FUT8: variants seen among roughly 807,000 people sequenced by gnomAD.
The protein encoded by FUT8 is fucosyltransferase 8.
A neutral mutation model predicts 71.3 loss-of-function variants in FUT8; 29 were observed. That is an observed-to-expected ratio of 0.41 (90% CI 0.30 to 0.55). The LOEUF (loss-of-function observed/expected upper bound fraction) is 0.55, where lower values mean the gene tolerates loss of function less well. Ranked by LOEUF, FUT8 falls within the 20% of genes least tolerant of loss-of-function variation. The pLI, the probability that FUT8 is intolerant of heterozygous loss-of-function variation, is 0.34. For synonymous variants in FUT8, 254 were observed against 239.3 expected (o/e 1.06, Z -0.57); for missense variants, 544 against 702.1 (o/e 0.77, Z 2.55).
chr14:65,505,703 CT>C (rs1417429636), intron 2 of FUT8, among the ~76,000 whole-genome samples: 1 of 151,976 alleles, frequency 6.6e-6, no homozygotes. Flanking sequence ...AAGAGTGGAA[CT>C]TTTATAGTAT....
At chr14:65,415,362 G>A (rs2065203515) in intron 1 of FUT8, among the ~76,000 whole-genome samples, 2 of 152,256 alleles carry the variant, frequency 1.3e-5, no homozygotes, top group South Asian at 4.1e-4. Context: ...TTACAAATTA[G>A]TTTAAAAAAG....
chr14:65,423,768 G>T (rs1442139515), intron 1 of FUT8, among the ~76,000 whole-genome samples: 1 of 152,048 alleles, frequency 6.6e-6, no homozygotes, highest in Non-Finnish European at 1.5e-5. Flanking sequence ...GCTTTTTCTT[G>T]AAACTTATTA....
intron 6 of FUT8, among the ~76,000 whole-genome samples, chr14:65,637,464 A>G (rs1298019430): frequency 2.0e-5 from 3 of 152,186 alleles, no homozygotes; most frequent in African/African-American, 7.2e-5. Flanking sequence ...TTTAACTTGA[A>G]ATTATCTGTC....
intron 7 of FUT8, among the ~76,000 whole-genome samples, chr14:65,695,451 T>C (rs774476829): frequency 4.6e-5 from 7 of 152,198 alleles, no homozygotes; most frequent in Admixed American, 6.5e-5. Context: ...TTGTTCATTT[T>C]TTTAAAAACT....
chr14:65,685,409 A>T (rs931253246), intron 7 of FUT8, among the ~76,000 whole-genome samples: 4 of 152,150 alleles, frequency 2.6e-5, no homozygotes, highest in African/African-American at 9.7e-5. Context: ...CAAAAAATTA[A>T]TTTTCCTTCA....
chr14:65,425,714 A>T (rs1453760977), intron 1 of FUT8, among the ~76,000 whole-genome samples: 1 of 152,044 alleles, frequency 6.6e-6, no homozygotes, highest in Non-Finnish European at 1.5e-5. Context: ...GCAGTGGCTC[A>T]TGCCTGTAAT....
intron 2 of FUT8, among the ~76,000 whole-genome samples, chr14:65,560,566 A>C (rs1418792528): frequency 6.6e-6 from 1 of 152,192 alleles, no homozygotes; most frequent in Admixed American, 6.6e-5. Flanking sequence ...TTCTAAGCCT[A>C]ATGATGGAGA....
At chr14:65,560,357 T>A (rs569278602) in intron 2 of FUT8, among the ~76,000 whole-genome samples, 5 of 152,090 alleles carry the variant, frequency 3.3e-5, no homozygotes, top group Admixed American at 6.5e-5. Context: ...GAAAAAAAAA[T>A]TTTTATAGAG....
chr14:65,526,317 T>G (rs1883466063), intron 2 of FUT8, among the ~76,000 whole-genome samples: 2 of 152,236 alleles, frequency 1.3e-5, no homozygotes, highest in African/African-American at 4.8e-5. Context: ...CATTATGTAA[T>G]GGCCGTCTTT....
rs1324272027 is a variant in FUT8, at chr14:65,742,516, G to GT, written c.*108dup. ...GAGGGCTCTGATCTAACAAAATAAG[G>GT]TTATATGAGTAGATACTCTCAGCAC... On this transcript the variant is annotated 3_prime_UTR_variant, in exon 11 of 11. Transcript: ENST00000673929. The GT allele has an allele frequency of 1.1e-6, 1 of 900,050 alleles. No homozygotes were observed. The highest frequency in any genetic ancestry group is 1.7e-6 in the Non-Finnish European group (1 of 599,658). 55.8% of individuals were successfully genotyped at this position (900,050 alleles called of 1,614,324 possible). A position where few individuals can be genotyped will look rare whatever the true frequency, so the allele number is the denominator to read the frequency against.
intron 2 of FUT8, among the ~76,000 whole-genome samples, chr14:65,458,588 T>C (rs934579703): frequency 1.3e-5 from 2 of 152,204 alleles, no homozygotes; most frequent in East Asian, 1.9e-4. Context: ...ACTCAGAAAA[T>C]GTAGGATGGT....
the FUT8 span, among the ~76,000 whole-genome samples, chr14:65,364,480 G>A: frequency 2.0e-5 from 3 of 152,214 alleles, no homozygotes; most frequent in African/African-American, 7.2e-5. Context: ...TGGAATTACA[G>A]GTGTGAGCCA....
intron 6 of FUT8, among the ~76,000 whole-genome samples, chr14:65,649,955 G>C (rs1379447293): frequency 6.6e-6 from 1 of 152,118 alleles, no homozygotes; most frequent in Admixed American, 6.5e-5. Flanking sequence ...ATAAGATATA[G>C]TAAACACATC....
At chr14:65,703,188 T>A (rs1271340765) in intron 7 of FUT8, among the ~76,000 whole-genome samples, 1 of 152,240 alleles carries the variant, frequency 6.6e-6, no homozygotes, top group Non-Finnish European at 1.5e-5. Context: ...AGAAACATAA[T>A]GTCAAGTATC....
At chr14:65,443,380 A>G (rs1484822966) in intron 1 of FUT8, among the ~76,000 whole-genome samples, 1 of 150,040 alleles carries the variant, frequency 6.7e-6, no homozygotes, top group African/African-American at 2.5e-5. Flanking sequence ...ACTGCACTCC[A>G]GCCTGGGCAA....
At chr14:65,497,127 A>G (rs557111905) in intron 2 of FUT8, among the ~76,000 whole-genome samples, 7 of 152,302 alleles carry the variant, frequency 4.6e-5, no homozygotes, top group African/African-American at 1.4e-4. Flanking sequence ...TGTGTATATT[A>G]GAGTATGTAA....
chr14:65,427,783 AG>A (rs1274160600), intron 1 of FUT8, among the ~76,000 whole-genome samples: 4 of 152,344 alleles, frequency 2.6e-5, no homozygotes, highest in African/African-American at 7.2e-5. Flanking sequence ...ATCCAGTTTT[AG>A]AAAACTTTCA....
chr14:65,677,622 T>C (rs1007233566), intron 7 of FUT8, among the ~76,000 whole-genome samples: 9 of 152,146 alleles, frequency 5.9e-5, no homozygotes, highest in Non-Finnish European at 1.0e-4. Flanking sequence ...AAATACTGTA[T>C]TAGGTATAAA....
chr14:65,694,881 T>C (rs1000278902), intron 7 of FUT8, among the ~76,000 whole-genome samples: 7 of 107,456 alleles, frequency 6.5e-5, no homozygotes, highest in African/African-American at 2.6e-4. Context: ...CATCACACTC[T>C]GGGGACTGTT....
Sources: gnomAD v4.1 joint callset for allele counts (sites outside exome capture counted in the v4.1 genomes callset) on GRCh38, gnomAD v4.1.1 for gene constraint, MANE v1.5 for transcripts, NCBI Gene and HGNC (gene_info 2026-07-23, HGNC 2026-07-21) for gene names.